The following HEMK2 variants were observed in gnomAD, a reference collection of about 807,000 sequenced individuals.
HEMK2 encodes HemK methyltransferase 2, ETF1 glutamine and histone H4 lysine.
At chr21:28,736,919 G>T in the HEMK2 span, among the ~76,000 whole-genome samples, 1 of 152,170 alleles carries the variant, frequency 6.6e-6, no homozygotes, top group Non-Finnish European at 1.5e-5. Context: ...ATTCACAGGG[G>T]TTTAAACTTT....
At chr21:28,633,716 C>T in the HEMK2 span, among the ~76,000 whole-genome samples, 8 of 152,142 alleles carry the variant, frequency 5.3e-5, no homozygotes, top group Non-Finnish European at 2.9e-5. Context: ...TTTTCCTCTG[C>T]GTGGCTACCA....
the HEMK2 span, among the ~76,000 whole-genome samples, chr21:28,617,674 G>C: frequency 2.0e-5 from 3 of 146,478 alleles, no homozygotes; most frequent in South Asian, 6.2e-4. Flanking sequence ...TTCAGTGCCT[G>C]GACAAAATAA....
At chr21:28,734,883 T>A in the HEMK2 span, among the ~76,000 whole-genome samples, 1 of 152,180 alleles carries the variant, frequency 6.6e-6, no homozygotes, top group Admixed American at 6.5e-5. Context: ...AACAATCACT[T>A]GCATAACTCA....
chr21:28,773,684 T>A, the HEMK2 span, among the ~76,000 whole-genome samples: 2 of 152,136 alleles, frequency 1.3e-5, no homozygotes, highest in Non-Finnish European at 2.9e-5. Context: ...GGGAAGAGAC[T>A]TGCAAAGATT....
At chr21:28,709,737 C>G in the HEMK2 span, among the ~76,000 whole-genome samples, 1 of 151,946 alleles carries the variant, frequency 6.6e-6, no homozygotes, top group African/African-American at 2.4e-5. Context: ...AGACAGAGGG[C>G]AGGGGAGAAA....
the HEMK2 span, among the ~76,000 whole-genome samples, chr21:28,754,858 T>C: frequency 3.3e-5 from 5 of 152,226 alleles, no homozygotes; most frequent in East Asian, 9.6e-4. Context: ...TTAAGACCTT[T>C]CCTGAGAATG....
chr21:28,870,516 C>T, the HEMK2 span, among the ~76,000 whole-genome samples: 5 of 152,258 alleles, frequency 3.3e-5, no homozygotes, highest in Non-Finnish European at 5.9e-5. Context: ...ATGCTCCTGC[C>T]TCAACCTCCC....
chr21:28,845,720 T>C, the HEMK2 span, among the ~76,000 whole-genome samples: 7 of 152,136 alleles, frequency 4.6e-5, no homozygotes, highest in African/African-American at 1.7e-4. Flanking sequence ...AAGTATTTTG[T>C]TAACACAGAG....
At chr21:28,748,150 C>G in the HEMK2 span, among the ~76,000 whole-genome samples, 7 of 152,192 alleles carry the variant, frequency 4.6e-5, no homozygotes, top group African/African-American at 1.7e-4. Context: ...TGAAAAGCTA[C>G]CTATTGGCTA....
chr21:28,748,221 C>A, the HEMK2 span, among the ~76,000 whole-genome samples: 1 of 152,298 alleles, frequency 6.6e-6, no homozygotes, highest in African/African-American at 2.4e-5. Context: ...TCACACAATA[C>A]AGTCATGTAG....
the HEMK2 span, among the ~76,000 whole-genome samples, chr21:28,594,609 C>T: frequency 6.6e-6 from 1 of 152,100 alleles, no homozygotes; most frequent in Non-Finnish European, 1.5e-5. Flanking sequence ...TATCTACTTC[C>T]CCAACAGTAG....
chr21:28,809,603 C>T, the HEMK2 span, among the ~76,000 whole-genome samples: 4 of 152,120 alleles, frequency 2.6e-5, no homozygotes, highest in East Asian at 7.7e-4. Flanking sequence ...TAAAATGCAA[C>T]AGCTGGAAGT....
At chr21:28,704,649 TA>T in the HEMK2 span, among the ~76,000 whole-genome samples, 1 of 151,836 alleles carries the variant, frequency 6.6e-6, no homozygotes, top group Admixed American at 6.6e-5. Context: ...AACAACCGTT[TA>T]AAAAAAATTC....
the HEMK2 span, among the ~76,000 whole-genome samples, chr21:28,850,183 A>C: frequency 6.7e-6 from 1 of 149,606 alleles, no homozygotes; most frequent in African/African-American, 2.4e-5. Context: ...AAACCCCACA[A>C]GCCAGAAGAG....
the HEMK2 span, among the ~76,000 whole-genome samples, chr21:28,613,619 CTTTTTTTTTTTTTTTT>C: frequency 3.6e-5 from 3 of 82,700 alleles, no homozygotes; most frequent in East Asian, 9.6e-4. Context: ...TCTGCATATT[CTTTTTTTTTTTTTTTT>C]TTTTTTTTTT....
At chr21:28,661,688 C>T in the HEMK2 span, among the ~76,000 whole-genome samples, 2 of 152,072 alleles carry the variant, frequency 1.3e-5, no homozygotes, top group Non-Finnish European at 2.9e-5. Flanking sequence ...CTCTTCATTC[C>T]TCTAGCCCAG....
At chr21:28,704,677 C>G in the HEMK2 span, among the ~76,000 whole-genome samples, 152,234 of 152,234 alleles carry the variant, frequency 1, 76,117 homozygotes, top group Non-Finnish European at 1. Flanking sequence ...CTTCAGGTAA[C>G]CCTAATTTAC....
At chr21:28,832,197 C>T in the HEMK2 span, among the ~76,000 whole-genome samples, 990 of 152,304 alleles carry the variant, frequency 6.5e-3, 5 homozygotes, top group Non-Finnish European at 0.011. Context: ...GTATCCTTCC[C>T]TGGAAAGGGC....
chr21:28,742,860 G>GTA, the HEMK2 span, among the ~76,000 whole-genome samples: 1 of 152,094 alleles, frequency 6.6e-6, no homozygotes, highest in South Asian at 2.1e-4. Context: ...TAGCACAACA[G>GTA]TATAAGAAGG....
Sources: gnomAD v4.1 joint callset for allele counts (sites outside exome capture counted in the v4.1 genomes callset) on GRCh38, gnomAD v4.1.1 for gene constraint, MANE v1.5 for transcripts, NCBI Gene and HGNC (gene_info 2026-07-23, HGNC 2026-07-21) for gene names.